The following DPP10 variants were observed in gnomAD, a reference collection of about 807,000 sequenced individuals.
DPP10 encodes inactive dipeptidyl peptidase 10.
Under a neutral mutation model 120.9 loss-of-function variants are expected in DPP10, and 33 were observed. That is an observed-to-expected ratio of 0.27 (90% CI 0.21 to 0.37). The LOEUF (loss-of-function observed/expected upper bound fraction) is 0.37, where lower values mean the gene tolerates loss of function less well. Ranked by LOEUF, DPP10 falls within the 10% of genes least tolerant of loss-of-function variation. The pLI is 1.00. For missense variants in DPP10, 816 were observed against 942.8 expected (o/e 0.87, Z 1.76); for synonymous variants, 337 against 326.1 (o/e 1.03, Z -0.36).
intron 1 of DPP10, among the ~76,000 whole-genome samples, chr2:114,760,867 T>C (rs1366303350): frequency 1.3e-5 from 2 of 152,186 alleles, no homozygotes; most frequent in Non-Finnish European, 2.9e-5. Flanking sequence ...CAAGAAACTC[T>C]CTGAAAGTAG....
intron 3 of DPP10, among the ~76,000 whole-genome samples, chr2:115,463,174 T>C (rs2074097946): frequency 6.6e-6 from 1 of 152,174 alleles, no homozygotes; most frequent in African/African-American, 2.4e-5. Context: ...CAACTCTTCC[T>C]TATACCACTA....
intron 19 of DPP10, among the ~76,000 whole-genome samples, chr2:115,796,098 GT>G (rs1302474951): frequency 6.6e-6 from 1 of 151,818 alleles, no homozygotes; most frequent in African/African-American, 2.4e-5. Context: ...TTTTCTCTTC[GT>G]TTTTATCTCA....
chr2:114,947,137 T>G (rs1697423531), intron 1 of DPP10, among the ~76,000 whole-genome samples: 1 of 152,074 alleles, frequency 6.6e-6, no homozygotes, highest in Admixed American at 6.6e-5. Flanking sequence ...AGTGAATTTT[T>G]TTTTTAGTTC....
chr2:114,851,352 T>TG (rs1688933697), intron 1 of DPP10, among the ~76,000 whole-genome samples: 1 of 152,182 alleles, frequency 6.6e-6, no homozygotes, highest in African/African-American at 2.4e-5. Flanking sequence ...TAAGATGCAC[T>TG]GAATATTCTG....
chr2:114,892,079 T>C (rs1692588276), intron 1 of DPP10, among the ~76,000 whole-genome samples: 1 of 152,216 alleles, frequency 6.6e-6, no homozygotes, highest in South Asian at 2.1e-4. Context: ...TGAAAACTAA[T>C]AGTCCCACCA....
intron 5 of DPP10, among the ~76,000 whole-genome samples, chr2:115,648,148 A>G (rs2087437365): frequency 6.6e-6 from 1 of 152,116 alleles, no homozygotes; most frequent in Admixed American, 6.6e-5. Flanking sequence ...AAAAAAAAAT[A>G]GTGAGAACCT....
intron 2 of DPP10, among the ~76,000 whole-genome samples, chr2:115,337,217 A>G (rs151102465): frequency 2.1e-3 from 314 of 151,972 alleles, no homozygotes; most frequent in African/African-American, 6.5e-3. Context: ...AGGATATGCT[A>G]TTATCTTCCT....
chr2:115,736,171 T>C (rs192807091), intron 8 of DPP10, among the ~76,000 whole-genome samples: 60 of 152,264 alleles, frequency 3.9e-4, no homozygotes, highest in African/African-American at 1.4e-3. Context: ...TTCAATATTA[T>C]GGGAATAAGA....
intron 1 of DPP10, among the ~76,000 whole-genome samples, chr2:114,955,999 T>C (rs569507996): frequency 6.6e-6 from 1 of 152,194 alleles, no homozygotes; most frequent in Admixed American, 6.5e-5. Flanking sequence ...TCAAACTAAA[T>C]GGTAAAAAGT....
At chr2:114,929,370 C>T (rs755396205) in intron 1 of DPP10, among the ~76,000 whole-genome samples, 1 of 152,190 alleles carries the variant, frequency 6.6e-6, no homozygotes, top group Non-Finnish European at 1.5e-5. Context: ...ATTTCCTAAT[C>T]CTAGCAAGCC....
intron 1 of DPP10, among the ~76,000 whole-genome samples, chr2:115,258,464 T>C (rs1199141760): frequency 1.4e-5 from 2 of 147,622 alleles, no homozygotes; most frequent in Admixed American, 6.9e-5. Context: ...TTACACACTG[T>C]AGTATCCAAG....
chr2:114,921,410 A>C (rs1441925240), intron 1 of DPP10, among the ~76,000 whole-genome samples: 1 of 152,200 alleles, frequency 6.6e-6, no homozygotes, highest in Non-Finnish European at 1.5e-5. Flanking sequence ...TACATAATGC[A>C]TTTCAAATAT....
intron 2 of DPP10, among the ~76,000 whole-genome samples, chr2:115,313,895 C>G (rs2061681341): frequency 6.6e-6 from 1 of 151,908 alleles, no homozygotes; most frequent in Admixed American, 6.6e-5. Flanking sequence ...ATTATTTTTT[C>G]TATTGAGTTT....
At chr2:115,133,139 GTGTGTGTATATATATA>G (rs1390919872) in intron 1 of DPP10, among the ~76,000 whole-genome samples, 2 of 67,290 alleles carry the variant, frequency 3.0e-5, no homozygotes, top group African/African-American at 7.7e-5. Context: ...GTGTGTGTGT[GTGTGTGTATATATATA>G]TATATATATA....
chr2:115,577,289 C>A (rs568246000), intron 5 of DPP10, among the ~76,000 whole-genome samples: 1 of 152,094 alleles, frequency 6.6e-6, no homozygotes, highest in Non-Finnish European at 1.5e-5. Flanking sequence ...CCATGTATGG[C>A]GATAAAATGA....
At chr2:115,215,254 A>C (rs1259711354) in intron 1 of DPP10, among the ~76,000 whole-genome samples, 1 of 152,210 alleles carries the variant, frequency 6.6e-6, no homozygotes, top group African/African-American at 2.4e-5. Context: ...GTCCAAATGA[A>C]GAAATATCTT....
At chr2:115,422,877 G>T (rs950684209) in intron 3 of DPP10, among the ~76,000 whole-genome samples, 2 of 151,978 alleles carry the variant, frequency 1.3e-5, no homozygotes, top group Non-Finnish European at 2.9e-5. Context: ...CATTCGAAGG[G>T]ATTTCATTTT....
chr2:115,436,611 T>A (rs2071518738), intron 3 of DPP10, among the ~76,000 whole-genome samples: 1 of 151,864 alleles, frequency 6.6e-6, no homozygotes, highest in African/African-American at 2.4e-5. Context: ...TAAACATTAT[T>A]TATTGAGGCC....
At chr2:114,789,499 G>A (rs1233242339) in intron 1 of DPP10, among the ~76,000 whole-genome samples, 1 of 152,120 alleles carries the variant, frequency 6.6e-6, no homozygotes. Flanking sequence ...TTCTCAGAAT[G>A]CGGTTTCTGA....
Sources: gnomAD v4.1 joint callset for allele counts (sites outside exome capture counted in the v4.1 genomes callset) on GRCh38, gnomAD v4.1.1 for gene constraint, MANE v1.5 for transcripts, NCBI Gene and HGNC (gene_info 2026-07-23, HGNC 2026-07-21) for gene names.